The following PCDH15 variants were observed in gnomAD, a reference collection of about 807,000 sequenced individuals.
The protein encoded by PCDH15 is protocadherin related 15.
PCDH15 carries 129 observed loss-of-function variants against 178.5 expected under a neutral mutation model. The ratio of observed to expected loss-of-function variants is 0.72; its 90% CI spans 0.63 to 0.84. The LOEUF (loss-of-function observed/expected upper bound fraction) is 0.84. PCDH15 is among the 40% of genes least tolerant of loss of function. The pLI, the probability that PCDH15 is intolerant of heterozygous loss-of-function variation, is 0.00. For missense variants in PCDH15, 2,230 were observed against 2,099.9 expected (o/e 1.06, Z -1.21); for synonymous variants, 800 against 732.0 (o/e 1.09, Z -1.50).
intron 15 of PCDH15, among the ~76,000 whole-genome samples, chr10:54,116,137 A>C (rs878948398): frequency 6.6e-6 from 1 of 152,100 alleles, no homozygotes; most frequent in Non-Finnish European, 1.5e-5. Flanking sequence ...CAACTAATTA[A>C]ATTTTTAAAT....
intron 5 of PCDH15, among the ~76,000 whole-genome samples, chr10:54,353,871 TAAAA>T (rs149142423): frequency 3.3e-4 from 50 of 152,212 alleles, no homozygotes; most frequent in Non-Finnish European, 5.4e-4. Flanking sequence ...GTATTTAAAA[TAAAA>T]AAAGAATTAT....
At chr10:54,685,048 T>A (rs575687274) in intron 1 of PCDH15, among the ~76,000 whole-genome samples, 212 of 152,130 alleles carry the variant, frequency 1.4e-3, no homozygotes, top group African/African-American at 5.0e-3. Flanking sequence ...AATTTAATTT[T>A]TACTTTTAAA....
intron 3 of PCDH15, among the ~76,000 whole-genome samples, chr10:54,426,134 C>T (rs1956244300): frequency 6.6e-6 from 1 of 152,080 alleles, no homozygotes; most frequent in Non-Finnish European, 1.5e-5. Flanking sequence ...CAGTTAAGCT[C>T]CTGTTTTACT....
intron 2 of PCDH15, among the ~76,000 whole-genome samples, chr10:55,014,250 T>C (rs964779874): frequency 2.0e-5 from 3 of 152,114 alleles, no homozygotes; most frequent in Non-Finnish European, 2.9e-5. Context: ...TAACTTATGC[T>C]ACAACTTGTT....
chr10:54,260,202 A>T (rs763441513), intron 8 of PCDH15, among the ~76,000 whole-genome samples: 1 of 152,184 alleles, frequency 6.6e-6, no homozygotes, highest in Non-Finnish European at 1.5e-5. Context: ...AAAATTTATT[A>T]TAGTTTTGTC....
intron 13 of PCDH15, among the ~76,000 whole-genome samples, chr10:54,181,810 T>C (rs1025656197): frequency 3.3e-5 from 5 of 152,180 alleles, no homozygotes; most frequent in African/African-American, 1.2e-4. Flanking sequence ...TATTTACACA[T>C]AGAATAAACA....
At chr10:55,529,836 G>A (rs925885520) in intron 2 of PCDH15, among the ~76,000 whole-genome samples, 4 of 144,310 alleles carry the variant, frequency 2.8e-5, no homozygotes, top group African/African-American at 1.0e-4. Context: ...GCCAGAATTA[G>A]ACTTTCATGC....
chr10:55,130,769 T>C (rs928629749), intron 2 of PCDH15, among the ~76,000 whole-genome samples: 1 of 150,448 alleles, frequency 6.6e-6, no homozygotes, highest in Admixed American at 6.6e-5. Context: ...GGAGGAAAAA[T>C]AAAATTAGCC....
chr10:55,346,426 C>A (rs1331065676), intron 2 of PCDH15, among the ~76,000 whole-genome samples: 1 of 152,090 alleles, frequency 6.6e-6, no homozygotes, highest in Non-Finnish European at 1.5e-5. Context: ...TTTGGAGGAT[C>A]AGCTTTCCCT....
chr10:54,783,864 T>C (rs886882140), intron 1 of PCDH15, among the ~76,000 whole-genome samples: 2 of 152,110 alleles, frequency 1.3e-5, no homozygotes, highest in African/African-American at 2.4e-5. Context: ...TAATCTGTTT[T>C]CATAATGCTA....
chr10:54,663,453 T>TTA (rs1457821927), intron 2 of PCDH15, among the ~76,000 whole-genome samples: 1 of 148,514 alleles, frequency 6.7e-6, no homozygotes, highest in Non-Finnish European at 1.5e-5. Flanking sequence ...ATATAACATA[T>TTA]TATATATATC....
intron 2 of PCDH15, among the ~76,000 whole-genome samples, chr10:55,126,860 C>T (rs896737934): frequency 6.6e-6 from 1 of 151,786 alleles, no homozygotes; most frequent in Non-Finnish European, 1.5e-5. Context: ...GTGTAGTTTT[C>T]CTACAATTGC....
intron 15 of PCDH15, among the ~76,000 whole-genome samples, chr10:54,116,346 G>A (rs1334870657): frequency 1.3e-5 from 2 of 152,004 alleles, no homozygotes; most frequent in Non-Finnish European, 1.5e-5. Context: ...CTTTCTTCAG[G>A]CCAGTATAAA....
At chr10:54,382,686 G>A (rs1034418737) in intron 3 of PCDH15, among the ~76,000 whole-genome samples, 22 of 152,104 alleles carry the variant, frequency 1.4e-4, no homozygotes, top group African/African-American at 5.3e-4. Flanking sequence ...ATAACAACCT[G>A]ATTGAACTTG....
intron 2 of PCDH15, among the ~76,000 whole-genome samples, chr10:54,921,029 T>C (rs1352236438): frequency 6.6e-6 from 1 of 152,198 alleles, no homozygotes; most frequent in Non-Finnish European, 1.5e-5. Context: ...TCCTCTTCTG[T>C]TATGATCCTC....
At chr10:54,290,628 A>G (rs1205666786) in intron 8 of PCDH15, among the ~76,000 whole-genome samples, 1 of 152,230 alleles carries the variant, frequency 6.6e-6, no homozygotes. Flanking sequence ...AAGATCAATC[A>G]GTGTGCTGTA....
intron 2 of PCDH15, among the ~76,000 whole-genome samples, chr10:55,464,606 A>C (rs2132098934): frequency 6.7e-6 from 1 of 149,386 alleles, no homozygotes; most frequent in East Asian, 2.0e-4. Context: ...AAAATGGCCT[A>C]AAACAGTAAA....
At chr10:55,227,950 A>G (rs1841100353) in intron 1 of PCDH15, among the ~76,000 whole-genome samples, 1 of 151,950 alleles carries the variant, frequency 6.6e-6, no homozygotes, top group African/African-American at 2.4e-5. Flanking sequence ...CAACTCCCCT[A>G]CCCTTGACTG....
chr10:54,902,690 C>A (rs141178598), intron 2 of PCDH15, among the ~76,000 whole-genome samples: 5 of 152,048 alleles, frequency 3.3e-5, no homozygotes, highest in African/African-American at 1.2e-4. Context: ...CATTTCTGGG[C>A]GAAATATCAG....
Sources: gnomAD v4.1 joint callset for allele counts (sites outside exome capture counted in the v4.1 genomes callset) on GRCh38, gnomAD v4.1.1 for gene constraint, MANE v1.5 for transcripts, NCBI Gene and HGNC (gene_info 2026-07-23, HGNC 2026-07-21) for gene names.